SUSD1: variants seen among roughly 807,000 people sequenced by gnomAD.
SUSD1 encodes sushi domain-containing protein 1.
In SUSD1, 65 loss-of-function variants were observed where a neutral mutation model predicts 86.9. That is an observed-to-expected ratio of 0.75 (90% CI 0.61 to 0.92). SUSD1 has a LOEUF of 0.92. Ranked by LOEUF, SUSD1 falls within the 40% of genes least tolerant of loss-of-function variation. The pLI is 0.00. For missense variants in SUSD1, 850 were observed against 929.7 expected (o/e 0.91, Z 1.11); for synonymous variants, 346 against 350.0 (o/e 0.99, Z 0.13).
intron 14 of SUSD1, among the ~76,000 whole-genome samples, chr9:112,054,090 A>G (rs1828342328): frequency 6.6e-6 from 1 of 152,204 alleles, no homozygotes; most frequent in Non-Finnish European, 1.5e-5. Context: ...CACAAAGGGA[A>G]AAACAAAATG....
intron 12 of SUSD1, among the ~76,000 whole-genome samples, chr9:112,071,180 G>T (rs759907457): frequency 2.6e-5 from 4 of 152,172 alleles, no homozygotes; most frequent in Non-Finnish European, 2.9e-5. Flanking sequence ...AAAAAAGTAG[G>T]TCAGGTGCAG....
At chr9:112,114,869 G>A (rs1831246842) in intron 6 of SUSD1, among the ~76,000 whole-genome samples, 1 of 152,142 alleles carries the variant, frequency 6.6e-6, no homozygotes, top group South Asian at 2.1e-4. Flanking sequence ...AGTTTCTTCA[G>A]CGTCTAAGGA....
rs1388683973 is a variant in SUSD1 at position 112,058,488 on chromosome 9, T to C, written c.2049A>G (p.Ala683=). The change falls in exon 14 of 17, where the codon GCA becomes GCG. Residue 683 remains alanine, a synonymous_variant. Coordinates refer to ENST00000374270, the MANE Select transcript of SUSD1 (RefSeq NM_022486.5). ...AGTAATCACTCCCTCTTTTCAAGGG[T>C]GCATTATAATATTCCCCATAGTACA... ...DRLYYGEYYN[A]PLKRGSDYCI... 2.5e-6 allele frequency: 4 copies of C among 1,614,018 alleles called. No individual in the cohort carries two copies. Among genetic ancestry groups the C allele is most frequent in the Non-Finnish European group, 3.4e-6 (4 of 1,180,020 alleles).
intron 3 of SUSD1, among the ~76,000 whole-genome samples, chr9:112,144,838 A>G (rs572496251): frequency 6.6e-6 from 1 of 152,248 alleles, no homozygotes; most frequent in South Asian, 2.1e-4. Context: ...ACTGAAGACT[A>G]TCAGAGGCAG....
intron 8 of SUSD1, among the ~76,000 whole-genome samples, chr9:112,105,392 A>G (rs1228449834): frequency 6.6e-6 from 1 of 152,138 alleles, no homozygotes; most frequent in Admixed American, 6.6e-5. Flanking sequence ...AAATGTTCCT[A>G]ATATATAGTT....
intron 10 of SUSD1, among the ~76,000 whole-genome samples, chr9:112,082,987 AC>A (rs1829831775): frequency 6.6e-6 from 1 of 151,870 alleles, no homozygotes; most frequent in South Asian, 2.1e-4. Context: ...CAATCCTCCT[AC>A]CTCAGCATCC....
In SUSD1 at chr9:112,112,881, A is replaced by C. The variant is rs1428236827; in HGVS notation, c.887-13T>G. On this transcript the variant is annotated splice_polypyrimidine_tract_variant and intron_variant, in intron 6 of 16. Transcript: ENST00000374270. ...TTTGTCAGAATTTCTAAAAGAGAAA[A>C]AGGCAGTCAACTCACAAAATGCATC... 7 of 1,578,400 alleles carry C rather than the reference A, an allele frequency of 4.4e-6. No homozygotes were observed. In the Admixed American group the frequency reaches 6.7e-5, roughly 15 times the overall value.
intron 8 of SUSD1, chr9:112,104,821 T>A (rs1384010126): frequency 6.6e-6 from 1 of 151,976 alleles, no homozygotes; most frequent in Admixed American, 6.6e-5. Flanking sequence ...CTTCCAAGGA[T>A]AAGTAATCCA....
rs772303626 is a variant in SUSD1 at position 112,143,562 on chromosome 9, A to G, written c.435T>C (p.His145=). 1.2e-6 allele frequency: 2 copies of G among 1,614,104 alleles called. No homozygotes were observed. Among genetic ancestry groups the G allele is most frequent in the South Asian group, 2.2e-5 (2 of 91,066 alleles). ...CRHGGRCVNT[H]GSFECYCMDG... ...CCATACAGTAGCATTCAAAGCTCCC[A>G]TGAGTGTTCACGCATCGCCCTCCAT... The change falls in exon 4 of 17, where the codon CAT becomes CAC. Residue 145 remains histidine, a synonymous_variant. Coordinates refer to ENST00000374270, the MANE Select transcript of SUSD1 (RefSeq NM_022486.5).
intron 5 of SUSD1, 105 bp from the exon 6 acceptor site, chr9:112,124,541 G>T: frequency 8.8e-7 from 1 of 1,135,724 alleles, no homozygotes; most frequent in Non-Finnish European, 1.2e-6. Context: ...CACTCAAACA[G>T]GAAAAGAGAA....
chr9:112,093,963 T>C (rs1298162266), intron 10 of SUSD1, among the ~76,000 whole-genome samples: 1 of 152,202 alleles, frequency 6.6e-6, no homozygotes, highest in East Asian at 1.9e-4. Flanking sequence ...TCTTTTCTTA[T>C]TATGTCTCCG....
chr9:112,142,715 C>T, intron 4 of SUSD1: 1 of 459,730 alleles, frequency 2.2e-6, no homozygotes, highest in Non-Finnish European at 3.8e-6. Context: ...TATACATGCA[C>T]AAAGCTGAAA....
chr9:112,147,276 G>T (rs1832843784), intron 3 of SUSD1, among the ~76,000 whole-genome samples: 1 of 152,198 alleles, frequency 6.6e-6, no homozygotes, highest in Non-Finnish European at 1.5e-5. Flanking sequence ...GGAGGCCGAG[G>T]CAGGTGAATC....
At chr9:112,094,029 A>G (rs1830302430) in intron 10 of SUSD1, among the ~76,000 whole-genome samples, 1 of 152,180 alleles carries the variant, frequency 6.6e-6, no homozygotes, top group African/African-American at 2.4e-5. Context: ...GGTTAGAGCA[A>G]TGCGACTCAA....
At chr9:112,170,572 A>G (rs1365217229) in intron 1 of SUSD1, among the ~76,000 whole-genome samples, 1 of 152,006 alleles carries the variant, frequency 6.6e-6, no homozygotes, top group Non-Finnish European at 1.5e-5. Context: ...CACTCAGGTC[A>G]TCTGACTTCA....
chr9:112,055,973 A>G lies in SUSD1; in HGVS notation c.2109+2455T>C, dbSNP rs1828429710. ...GAGTAGTCAAATTCATAAAGATGGA[A>G]AGTAGGGCTGGGCGTGATGGCTCAT... On this transcript the variant is annotated intron_variant, in intron 14 of 16. Coordinates refer to ENST00000374270, the MANE Select transcript of SUSD1 (RefSeq NM_022486.5). Among the ~76,000 whole-genome samples, 4 of 152,324 alleles carry G rather than the reference A, an allele frequency of 2.6e-5. No homozygotes were observed. In the South Asian group the frequency reaches 8.3e-4, roughly 32 times the overall value.
intron 2 of SUSD1, among the ~76,000 whole-genome samples, chr9:112,151,043 T>A (rs1833022148): frequency 6.6e-6 from 1 of 152,218 alleles, no homozygotes; most frequent in South Asian, 2.1e-4. Context: ...CAAGCAATCC[T>A]CTTGCCTCAG....
chr9:112,090,983 A>T (rs1484223547), intron 10 of SUSD1, among the ~76,000 whole-genome samples: 1 of 152,080 alleles, frequency 6.6e-6, no homozygotes, highest in Non-Finnish European at 1.5e-5. Flanking sequence ...AATTCTAAGC[A>T]ACTTATTCAT....
At chr9:112,141,036 C>T (rs1589714648) in intron 5 of SUSD1, among the ~76,000 whole-genome samples, 1 of 152,120 alleles carries the variant, frequency 6.6e-6, no homozygotes, top group African/African-American at 2.4e-5. Context: ...ATGAATGGAG[C>T]TTGCAGGACT....
Sources: gnomAD v4.1 joint callset for allele counts (sites outside exome capture counted in the v4.1 genomes callset) on GRCh38, gnomAD v4.1.1 for gene constraint, MANE v1.5 for transcripts, NCBI Gene and HGNC (gene_info 2026-07-23, HGNC 2026-07-21) for gene names.